Variants in ZNF518A observed in about 807,000 individuals in gnomAD.
ZNF518A encodes zinc finger protein 518.
In ZNF518A, 47 loss-of-function variants were observed where a neutral mutation model predicts 102.7. That is an observed-to-expected ratio of 0.46 (90% CI 0.36 to 0.58). ZNF518A has a LOEUF of 0.58. ZNF518A is among the 20% of genes least tolerant of loss of function. The pLI, the probability that ZNF518A is intolerant of heterozygous loss-of-function variation, is 0.00. For missense variants in ZNF518A, 1,793 were observed against 1,699.8 expected, an observed-to-expected ratio of 1.05 and a Z score of -0.96; for synonymous variants, 652 against 594.6, an observed-to-expected ratio of 1.10 and a Z score of -1.40.
At chr10:96,132,812 A>G (rs1554872648) in intron 2 of ZNF518A, 142 bp downstream of exon 2, 1 of 152,090 alleles carries the variant, frequency 6.6e-6, no homozygotes, top group African/African-American at 2.4e-5. Context: ...TTGAGTGCTG[A>G]CATGATGGTC....
Position 96,200,552 on chromosome 10 carries a change from A to C in ZNF518A, n.36-3022A>C, listed in dbSNP as rs1406618500. Among the ~76,000 whole-genome samples the C allele has an allele frequency of 1.3e-5, 2 of 152,204 alleles. No individual in the cohort carries two copies. Among genetic ancestry groups the C allele is most frequent in the Non-Finnish European group, 2.9e-5 (2 of 68,038 alleles). On this transcript the variant is annotated intron_variant and non_coding_transcript_variant, in intron 1 of 2. Coordinates refer to the ZNF518A transcript ENST00000442635. This position sits in a 1 kb window ranked among gnomAD's most constrained non-coding sequence, Gnocchi z 4.3. ...TTTGAAGGCAAGAAGGACACATGCT[A>C]TTATCCGTATTTTACATTTTTACAT...
chr10:96,188,657 A>G (rs2083286725), intron 1 of ZNF518A, among the ~76,000 whole-genome samples: 1 of 152,216 alleles, frequency 6.6e-6, no homozygotes, highest in Non-Finnish European at 1.5e-5. Flanking sequence ...TTAAATTGTG[A>G]GTCATCCTTT....
chr10:96,136,673 T>C (rs1334867645), intron 3 of ZNF518A, among the ~76,000 whole-genome samples: 1 of 151,978 alleles, frequency 6.6e-6, no homozygotes, highest in Non-Finnish European at 1.5e-5. Context: ...AAAAATGTTT[T>C]TAAAGATAAG....
chr10:96,186,011 C>A lies in ZNF518A; in HGVS notation n.36-17563C>A, dbSNP rs181510233. Among the ~76,000 whole-genome samples, 4 of 152,354 alleles carry A rather than the reference C, an allele frequency of 2.6e-5. No individual in the cohort carries two copies. In the East Asian group the frequency reaches 7.7e-4, roughly 29 times the overall value. On this transcript the variant is annotated intron_variant and non_coding_transcript_variant, in intron 1 of 2. Transcript: ENST00000442635. ...CTAGCAGTGAGCAAGGCTTCGTGGG[C>A]GTGGGACCTGCTGAGCCAGGCGCCG... is the stretch of plus-strand genomic sequence containing the variant.
intron 1 of ZNF518A, among the ~76,000 whole-genome samples, chr10:96,190,685 G>C (rs1043688453): frequency 6.6e-6 from 1 of 152,208 alleles, no homozygotes. Context: ...CAGTGGCCAA[G>C]TGTGTTCCCC....
chr10:96,204,012 G>C, exon 3 of ZNF518A: 2 of 1,556,980 alleles, frequency 1.3e-6, no homozygotes, highest in Non-Finnish European at 1.8e-6. Context: ...CTAGGATCCA[G>C]CCTCGACCAC....
rs782625663 is a variant in ZNF518A at position 96,160,496 on chromosome 10, T to C, written c.4174T>C (p.Cys1392Arg). The C allele has an allele frequency of 3.9e-5, 63 of 1,613,170 alleles. No individual in the cohort carries two copies. The highest frequency in any genetic ancestry group is 5.3e-5 in the Non-Finnish European group (62 of 1,179,576). The part of the protein sequence containing the change: ...RTINALLKPV[C>R]YNPPKTTYDD... Reference sequence around the variant, plus strand: ...TATAAATGCTTTACTGAAACCAGTTTGTTATAACCCTCCTAAAACAACTTA... The same window carrying C: ...TATAAATGCTTTACTGAAACCAGTTCGTTATAACCCTCCTAAAACAACTTA... The change falls in exon 6 of 6, where the codon TGT becomes CGT. Residue 1392 changes from cysteine to arginine, a missense_variant. By Grantham distance (180) the Cys-to-Arg change is radical. Coordinates refer to ENST00000316045, the MANE Select transcript of ZNF518A (RefSeq NM_001330736.2).
chr10:96,141,445 A>T (rs1175201012), intron 3 of ZNF518A, among the ~76,000 whole-genome samples: 1 of 152,212 alleles, frequency 6.6e-6, no homozygotes, highest in Non-Finnish European at 1.5e-5. Flanking sequence ...AACTATATGA[A>T]CAGAACAAAG....
intron 1 of ZNF518A, among the ~76,000 whole-genome samples, chr10:96,196,675 A>G (rs1479014784): frequency 6.6e-6 from 1 of 152,204 alleles, no homozygotes; most frequent in Non-Finnish European, 1.5e-5. Context: ...ACCTCATTAA[A>G]TAACTGAATG....
chr10:96,153,626 C>T (rs1193309005), intron 3 of ZNF518A, among the ~76,000 whole-genome samples: 2 of 152,196 alleles, frequency 1.3e-5, no homozygotes, highest in African/African-American at 2.4e-5. Flanking sequence ...TAAGTAAGGG[C>T]TAAGTGGATT....
chr10:96,131,452 C>T (rs190936119), intron 1 of ZNF518A, among the ~76,000 whole-genome samples: 6 of 152,244 alleles, frequency 3.9e-5, no homozygotes, highest in Admixed American at 3.3e-4. Flanking sequence ...TATAAAGAGA[C>T]ATTGCGTTCT....
intron 3 of ZNF518A, among the ~76,000 whole-genome samples, chr10:96,145,064 T>TTTGTTGTTGTTG (rs56087328): frequency 0.075 from 11,278 of 150,548 alleles, 558 homozygotes; most frequent in African/African-American, 0.14. Flanking sequence ...ACATGTATGT[T>TTTGTTGTTGTTG]TTGTTGTTGT....
At chr10:96,199,642 C>G (rs901597615) in intron 1 of ZNF518A, 4 of 404,172 alleles carry the variant, frequency 9.9e-6, no homozygotes, top group African/African-American at 4.1e-5. Context: ...TGTATCTACA[C>G]TTGTTGCAAT....
At chr10:96,189,372 C>T in intron 1 of ZNF518A, 1 of 570,896 alleles carries the variant, frequency 1.8e-6, no homozygotes. Flanking sequence ...AAAGAGACTT[C>T]CTCCACTGCC....
intron 1 of ZNF518A, among the ~76,000 whole-genome samples, chr10:96,174,967 A>AT: frequency 6.6e-6 from 1 of 151,860 alleles, no homozygotes; most frequent in Non-Finnish European, 1.5e-5. Context: ...GGACAGCATA[A>AT]TTTTTTTTCT....
At chr10:96,197,621 T>C (rs2133934453) in intron 1 of ZNF518A, among the ~76,000 whole-genome samples, 1 of 152,270 alleles carries the variant, frequency 6.6e-6, no homozygotes, top group East Asian at 1.9e-4. Flanking sequence ...ATCAAACAAA[T>C]TCCATTCATA....
chr10:96,198,882 A>C (rs993124426), intron 1 of ZNF518A, among the ~76,000 whole-genome samples: 1 of 152,166 alleles, frequency 6.6e-6, no homozygotes, highest in African/African-American at 2.4e-5. Context: ...TATTTTCAGT[A>C]GAGATGAGGT....
In ZNF518A at chr10:96,159,230, C is replaced by T. The variant is rs782756176; in HGVS notation, c.2908C>T (p.Leu970Phe). ...TAATTCACAAGGTATCCCTGCTTCT[C>T]TTTTTGTAAACAAGAAACCTGGGAT... ...LVNSQGIPAS[L>F]FVNKKPGMVL... The change falls in exon 6 of 6, where the codon CTT becomes TTT. Residue 970 changes from leucine (L) to phenylalanine (F), a missense_variant. Physicochemically the swap from Leu to Phe is conservative, Grantham distance 22. Around this residue, in one of 3 missense-constraint regions of ZNF518A, gnomAD observed 1,741 missense variants for 1,622.6 expected, o/e 1.07. Transcript: ENST00000316045. 4.3e-6 allele frequency: 7 copies of T among 1,613,670 alleles called. No homozygotes were observed. The highest frequency in any genetic ancestry group is 1.1e-5 in the South Asian group (1 of 91,050).
chr10:96,145,635 A>G (rs782604314), intron 3 of ZNF518A, among the ~76,000 whole-genome samples: 1 of 152,222 alleles, frequency 6.6e-6, no homozygotes, highest in Admixed American at 6.5e-5. Context: ...GTGTGTTGAT[A>G]TGGAGAACAC....
Sources: gnomAD v4.1 joint callset for allele counts (sites outside exome capture counted in the v4.1 genomes callset) on GRCh38, gnomAD v4.1.1 for gene constraint, gnomAD v4.1.1 regional missense constraint, Gnocchi (gnomAD v3.1) non-coding constraint, MANE v1.5 for transcripts, NCBI Gene and HGNC (gene_info 2026-07-23, HGNC 2026-07-21) for gene names.